The following TAF4B variants were observed in gnomAD, a reference collection of about 807,000 sequenced individuals.
TAF4B encodes transcription initiation factor TFIID subunit 4B.
TAF4B carries 38 observed loss-of-function variants against 86.4 expected under a neutral mutation model. The ratio of observed to expected loss-of-function variants is 0.44; its 90% confidence interval spans 0.34 to 0.58. TAF4B has a LOEUF of 0.58. Among genes scored for constraint, TAF4B ranks in the 20% least tolerant of loss-of-function variants. The pLI is 0.02. For missense variants in TAF4B, 988 were observed against 1,027.6 expected, an observed-to-expected ratio of 0.96 and a Z score of 0.53; for synonymous variants, 388 against 391.2, an observed-to-expected ratio of 0.99 and a Z score of 0.10.
chr18:26,286,526 GT>G, intron 7 of TAF4B, 27 bp downstream of exon 7: 1 of 1,557,570 alleles, frequency 6.4e-7, no homozygotes, highest in Non-Finnish European at 8.6e-7. Context: ...TTCTTCCCCA[GT>G]TACTTATTTT....
Position 26,321,060 on chromosome 18 carries a change from G to A in TAF4B, c.2003-10G>A, listed in dbSNP as rs2056957502. On this transcript the variant is annotated splice_polypyrimidine_tract_variant and intron_variant, in intron 10 of 14. Transcript: ENST00000269142. ...CTAAAACACGTAATGGATTTTCTCT[G>A]CTTCTGCAGGTAAAAAGCATGACAT... The A allele has an allele frequency of 1.2e-6, 2 of 1,613,304 alleles. No homozygotes were observed. Among genetic ancestry groups the A allele is most frequent in the Non-Finnish European group, 1.7e-6 (2 of 1,179,548 alleles).
At chr18:26,227,420 G>C (rs779078710) in intron 1 of TAF4B, 144 bp downstream of exon 1, 9 of 722,480 alleles carry the variant, frequency 1.2e-5, no homozygotes, top group Non-Finnish European at 2.0e-5. Context: ...TTCTTTTTGT[G>C]TCATTACTAC....
intron 1 of TAF4B, among the ~76,000 whole-genome samples, chr18:26,244,694 A>G (rs1475299039): frequency 6.6e-6 from 1 of 152,150 alleles, no homozygotes; most frequent in East Asian, 1.9e-4. Context: ...CTATTCGGCC[A>G]TCTTGGAACC....
intron 1 of TAF4B, among the ~76,000 whole-genome samples, chr18:26,253,740 T>A (rs2056039453): frequency 6.6e-6 from 1 of 152,152 alleles, no homozygotes; most frequent in Non-Finnish European, 1.5e-5. Flanking sequence ...TTCAATATCT[T>A]CATTTCTTAA....
At chr18:26,240,754 G>A (rs932024630) in intron 1 of TAF4B, among the ~76,000 whole-genome samples, 2 of 152,112 alleles carry the variant, frequency 1.3e-5, no homozygotes, top group Non-Finnish European at 2.9e-5. Flanking sequence ...TTTGAGATAC[G>A]TCACATCAAT....
chr18:26,267,399 C>A, intron 2 of TAF4B, 117 bp from the exon 3 acceptor site: 2 of 692,382 alleles, frequency 2.9e-6, no homozygotes, highest in South Asian at 3.7e-5. Context: ...TAGGTTATAA[C>A]TCCAGTCATA....
At chr18:26,324,456 CATA>C (rs1309731258) in intron 11 of TAF4B, among the ~76,000 whole-genome samples, 3 of 152,192 alleles carry the variant, frequency 2.0e-5, no homozygotes, top group Non-Finnish European at 4.4e-5. Flanking sequence ...CTGTATAAAA[CATA>C]ATAAGTATAA....
At chr18:26,354,941 A>G (rs1360549824) in intron 13 of TAF4B, among the ~76,000 whole-genome samples, 1 of 152,212 alleles carries the variant, frequency 6.6e-6, no homozygotes, top group Non-Finnish European at 1.5e-5. Flanking sequence ...ATCCACAACA[A>G]AATTTTATTA....
rs58691265 is a variant in TAF4B, at chr18:26,315,095, A to ACTCTCTCTCTCTCT, written c.1833-97_1833-84dup. ...ACCTCTAATTCTTTTGCTCTCTGAA[A>ACTCTCTCTCTCTCT]CTCTCTCTCTCTCTCTCTCTCTCTC... On this transcript the variant is annotated intron_variant, in intron 9 of 14. Coordinates refer to ENST00000269142, the MANE Select transcript of TAF4B (RefSeq NM_005640.3). The ACTCTCTCTCTCTCT allele has an allele frequency of 1.4e-3, 316 of 220,252 alleles. 6 individuals are homozygous for ACTCTCTCTCTCTCT. The highest frequency in any genetic ancestry group is 4.9e-3 in the East Asian group (51 of 10,514). The allele number at this position is 220,252 out of a possible 1,614,324, so 13.6% of individuals were successfully genotyped here. A position where few individuals can be genotyped will look rare whatever the true frequency, so the allele number is the denominator to read the frequency against.
chr18:26,263,871 T>C (rs1050756605), intron 1 of TAF4B, among the ~76,000 whole-genome samples: 1 of 152,154 alleles, frequency 6.6e-6, no homozygotes, highest in Non-Finnish European at 1.5e-5. Context: ...GCTACAGGCA[T>C]GCAGAAAGAT....
intron 13 of TAF4B, among the ~76,000 whole-genome samples, chr18:26,341,061 A>G (rs980907373): frequency 3.9e-5 from 6 of 151,992 alleles, no homozygotes; most frequent in Non-Finnish European, 8.8e-5. Context: ...ATGTGTTTTG[A>G]GAGACTTATT....
At chr18:26,228,400 C>G (rs562225713) in intron 1 of TAF4B, among the ~76,000 whole-genome samples, 1 of 152,232 alleles carries the variant, frequency 6.6e-6, no homozygotes, top group South Asian at 2.1e-4. Flanking sequence ...TTATGAAGTT[C>G]TGTTTCAGTT....
intron 14 of TAF4B, among the ~76,000 whole-genome samples, chr18:26,384,584 A>G (rs1978313624): frequency 2.0e-5 from 3 of 152,198 alleles, no homozygotes. Flanking sequence ...TTCAGTAACC[A>G]GTGATTTAGT....
At chr18:26,368,869 AC>A in intron 14 of TAF4B, among the ~76,000 whole-genome samples, 1 of 152,216 alleles carries the variant, frequency 6.6e-6, no homozygotes, top group Non-Finnish European at 1.5e-5. Flanking sequence ...TTATGGACTT[AC>A]TATGAAATAT....
chr18:26,272,954 A>C (rs2056339637), intron 3 of TAF4B, among the ~76,000 whole-genome samples: 1 of 152,178 alleles, frequency 6.6e-6, no homozygotes, highest in South Asian at 2.1e-4. Flanking sequence ...TTTGTTAAAA[A>C]CTTTATTGTT....
At chr18:26,296,514 A>C (rs1164501727) in intron 9 of TAF4B, among the ~76,000 whole-genome samples, 1 of 152,096 alleles carries the variant, frequency 6.6e-6, no homozygotes, top group East Asian at 1.9e-4. Context: ...GAGATTGAGA[A>C]GATGAAAAAG....
intron 12 of TAF4B, among the ~76,000 whole-genome samples, chr18:26,331,184 T>C (rs950885387): frequency 1.3e-5 from 2 of 152,202 alleles, no homozygotes; most frequent in Non-Finnish European, 2.9e-5. Flanking sequence ...TCAAGTGTTA[T>C]AAGTAAGCAC....
chr18:26,361,399 A>G (rs536216133), intron 14 of TAF4B, among the ~76,000 whole-genome samples: 2 of 149,750 alleles, frequency 1.3e-5, no homozygotes, highest in Non-Finnish European at 3.0e-5. Flanking sequence ...TGCTGGGATT[A>G]TAGGCATGAG....
chr18:26,301,066 C>A (rs1169021490), intron 9 of TAF4B, among the ~76,000 whole-genome samples: 1 of 152,146 alleles, frequency 6.6e-6, no homozygotes, highest in Non-Finnish European at 1.5e-5. Context: ...CCTCTGTTTT[C>A]TGCCTGCCTT....
Sources: gnomAD v4.1 joint callset for allele counts (sites outside exome capture counted in the v4.1 genomes callset) on GRCh38, gnomAD v4.1.1 for gene constraint, MANE v1.5 for transcripts, NCBI Gene and HGNC (gene_info 2026-07-23, HGNC 2026-07-21) for gene names.